The following TERB1 variants were observed in gnomAD, a reference collection of about 807,000 sequenced individuals.
The protein encoded by TERB1 is telomere repeats-binding bouquet formation protein 1.
Under a neutral mutation model 92.3 loss-of-function variants are expected in TERB1, and 63 were observed. The observed-to-expected ratio is 0.68, with a 90% confidence interval of 0.56 to 0.84. The LOEUF (loss-of-function observed/expected upper bound fraction) is 0.84. TERB1 is among the 40% of genes least tolerant of loss of function. The pLI, the probability that TERB1 is intolerant of heterozygous loss-of-function variation, is 0.00. For synonymous variants in TERB1, 252 were observed against 283.9 expected (o/e 0.89, Z 1.13); for missense variants, 709 against 843.7 (o/e 0.84, Z 1.98).
chr16:66,789,084 C>G (rs1171962904), intron 5 of TERB1, among the ~76,000 whole-genome samples: 1 of 147,818 alleles, frequency 6.8e-6, no homozygotes, highest in African/African-American at 2.5e-5. Flanking sequence ...ACAAAATAAC[C>G]ATAATCAATA....
At chr16:66,760,945 C>T (rs2018232527) in intron 16 of TERB1, among the ~76,000 whole-genome samples, 1 of 145,322 alleles carries the variant, frequency 6.9e-6, no homozygotes, top group African/African-American at 2.6e-5. Flanking sequence ...AACCCCGTCT[C>T]TACTAAAAAT....
chr16:66,763,367 T>A (rs1330740289), intron 16 of TERB1, among the ~76,000 whole-genome samples: 1 of 152,204 alleles, frequency 6.6e-6, no homozygotes, highest in East Asian at 1.9e-4. Context: ...TCATTTGTAC[T>A]ATAGTTTCTC....
At chr16:66,783,683 C>G (rs1384789803) in intron 9 of TERB1, among the ~76,000 whole-genome samples, 1 of 152,094 alleles carries the variant, frequency 6.6e-6, no homozygotes, top group Non-Finnish European at 1.5e-5. Flanking sequence ...ACCATTAAGG[C>G]CTGGAATTTC....
rs1183006381 is a variant in TERB1, at chr16:66,759,161, T to C, written c.1910A>G (p.Lys637Arg). ...AEDRYKSELR[K>R]SLICNKKILL... ...ATTACTTTTGTTACAGATAAGTGAT[T>C]TCCTTAGTTCACTTTTATATCTGTC... Residue 637 changes from lysine (K) to arginine (R), a missense_variant, in exon 17 of 19, where the codon AAA (lysine) becomes AGA (arginine). Coordinates refer to ENST00000433154, the MANE Select transcript of TERB1 (RefSeq NM_001136505.2). The C allele has an allele frequency of 1.9e-6, 3 of 1,545,142 alleles. No homozygotes were observed. In the East Asian group the frequency reaches 7.3e-5, roughly 38 times the overall value.
intron 16 of TERB1, among the ~76,000 whole-genome samples, chr16:66,765,467 T>C (rs1054511436): frequency 3.3e-5 from 5 of 152,072 alleles, no homozygotes; most frequent in Non-Finnish European, 5.9e-5. Flanking sequence ...CTTTCTTTTT[T>C]TTTTTTTGGA....
At chr16:66,760,130 C>CAAAAAAAAAAAAAAA (rs148772308) in intron 16 of TERB1, among the ~76,000 whole-genome samples, 8 of 23,364 alleles carry the variant, frequency 3.4e-4, no homozygotes, top group Non-Finnish European at 3.9e-4. Flanking sequence ...GACTCCATCT[C>CAAAAAAAAAAAAAAA]AAAAAAAAAA....
At chr16:66,793,342 G>A (rs962275643) in intron 3 of TERB1, among the ~76,000 whole-genome samples, 57 of 144,216 alleles carry the variant, frequency 4.0e-4, no homozygotes, top group African/African-American at 1.4e-3. Flanking sequence ...TCAGCCTCCC[G>A]AATAGCTGGG....
In TERB1 at chr16:66,755,069, C is replaced by A. The variant is rs1168687535; in HGVS notation, c.2091G>T (p.Leu697Phe). The change falls in exon 19 of 19, where the codon TTG becomes TTT. Residue 697 changes from leucine to phenylalanine, a missense_variant. By Grantham distance (22) the Leu-to-Phe change is conservative. Coordinates refer to ENST00000433154, the MANE Select transcript of TERB1 (RefSeq NM_001136505.2). Reference protein sequence around the residue: ...KKMGNHWNSILWSFPFQQGRK... With the variant: ...KKMGNHWNSIFWSFPFQQGRK... The stretch of plus-strand genomic sequence containing the variant: ...GTCCTTGCTGAAAGGGGAAAGACCA[C>A]AAAATTGAATTCCAGTGATTTCCCA... The A allele has an allele frequency of 1.9e-6, 3 of 1,551,554 alleles. No individual in the cohort carries two copies. Among genetic ancestry groups the A allele is most frequent in the Non-Finnish European group, 2.6e-6 (3 of 1,146,884 alleles).
At chr16:66,790,358 AGAG>A (rs2018809871) in intron 5 of TERB1, among the ~76,000 whole-genome samples, 1 of 149,660 alleles carries the variant, frequency 6.7e-6, no homozygotes, top group African/African-American at 2.5e-5. Flanking sequence ...AGAGAGAGAG[AGAG>A]AAAGAAGAAA....
At chr16:66,777,044 G>A in intron 11 of TERB1, among the ~76,000 whole-genome samples, 159 bp downstream of exon 11, 1 of 152,084 alleles carries the variant, frequency 6.6e-6, no homozygotes. Context: ...TACAATGAGT[G>A]AAGGAGAATT....
rs188962172 is a variant in TERB1, at chr16:66,779,080, T to C, written c.701-65A>G. ...AAGACAGCTGAATGGTTTTATTCAA[T>C]AAATCTGCATTAAATATAACATTGA... On this transcript the variant is annotated intron_variant, in intron 9 of 18. Transcript: ENST00000433154. The C allele has an allele frequency of 7.2e-4, 862 of 1,196,460 alleles. 6 individuals are homozygous for C. Among genetic ancestry groups the C allele is most frequent in the Middle Eastern group, 1.0e-3 (5 of 4,924 alleles). The allele number at this position is 1,196,460 out of a possible 1,614,324, so 74.1% of individuals were successfully genotyped here.
chr16:66,758,789 A>G lies in TERB1; in HGVS notation c.1980T>C (p.Thr660=), dbSNP rs1260677363. The change falls in exon 18 of 19, where the codon ACT becomes ACC. Residue 660 remains threonine, a synonymous_variant. Coordinates refer to ENST00000433154, the MANE Select transcript of TERB1 (RefSeq NM_001136505.2). Reference sequence around the variant, plus strand: ...TATATTCACTTATTCCTCCAGGGGTAGTAGATTCATTACTGAGTCGTTGTC... The same window carrying G: ...TATATTCACTTATTCCTCCAGGGGTGGTAGATTCATTACTGAGTCGTTGTC... ...RRRQRLSNES[T]TPGGIKKRRI... is the part of the protein sequence containing the mutation. 2 of 1,532,924 alleles carry G rather than the reference A, an allele frequency of 1.3e-6. No homozygotes were observed. The highest frequency in any genetic ancestry group is 1.2e-5 in the South Asian group (1 of 82,192). The allele number at this position is 1,532,924 out of a possible 1,614,324, so 95.0% of individuals were successfully genotyped here. A position where few individuals can be genotyped will look rare whatever the true frequency, so the allele number is the denominator to read the frequency against.
rs8059953 is a variant in TERB1 at position 66,760,279 on chromosome 16, C to T, written c.1781-989G>A. 1.5e-3 allele frequency among the ~76,000 whole-genome samples: 188 copies of T among 125,214 alleles called. No individual in the cohort carries two copies. In the Middle Eastern group the frequency reaches 0.023, roughly 15 times the overall value. 82.1% of individuals were successfully genotyped at this position (125,214 alleles called of 152,430 possible). On this transcript the variant is annotated intron_variant, in intron 16 of 18. Transcript: ENST00000433154. ...TTCGAGACCAGCCTGGCCAATATGG[C>T]GAAACCCCATCTCTACTAAAAATAC... is the stretch of plus-strand genomic sequence containing the variant.
intron 17 of TERB1, 75 bp from the exon 18 acceptor site, chr16:66,758,913 T>G: frequency 9.4e-7 from 1 of 1,067,984 alleles, no homozygotes; most frequent in Non-Finnish European, 1.4e-6. Flanking sequence ...CATTAGTATA[T>G]TTCCTTTATT....
chr16:66,777,812 T>C (rs1479393820), intron 10 of TERB1, among the ~76,000 whole-genome samples: 15 of 152,170 alleles, frequency 9.9e-5, no homozygotes. Context: ...CAATGAAGCA[T>C]ATGCAAAGCT....
At chr16:66,755,191 G>A (rs1188601177) in intron 18 of TERB1, 28 bp from the exon 19 acceptor site, 12 of 1,379,974 alleles carry the variant, frequency 8.7e-6, no homozygotes, top group Admixed American at 2.0e-5. Flanking sequence ...GAATATATTA[G>A]TATTTGCTGA....
At chr16:66,799,828 T>A (rs567538991) in intron 2 of TERB1, among the ~76,000 whole-genome samples, 12 of 152,176 alleles carry the variant, frequency 7.9e-5, no homozygotes, top group Admixed American at 7.9e-4. Context: ...ATAAAGCAGA[T>A]TATGAAGTGC....
intron 9 of TERB1, among the ~76,000 whole-genome samples, chr16:66,785,171 C>G (rs2018707867): frequency 6.6e-6 from 1 of 151,782 alleles, no homozygotes; most frequent in African/African-American, 2.4e-5. Flanking sequence ...AGGTGTCTGC[C>G]ACCATGCCCA....
At chr16:66,763,140 CT>C (rs879758552) in intron 16 of TERB1, among the ~76,000 whole-genome samples, 3,893 of 144,174 alleles carry the variant, frequency 0.027, 154 homozygotes, top group African/African-American at 0.09. Context: ...TTCATCATTA[CT>C]TTTTTTTTTT....
Sources: gnomAD v4.1 joint callset for allele counts (sites outside exome capture counted in the v4.1 genomes callset) on GRCh38, gnomAD v4.1.1 for gene constraint, MANE v1.5 for transcripts, NCBI Gene and HGNC (gene_info 2026-07-23, HGNC 2026-07-21) for gene names.